The following AATF variants were observed in gnomAD, a reference collection of about 807,000 sequenced individuals.
The protein encoded by AATF is protein AATF.
In AATF, 48 loss-of-function variants were observed where a neutral mutation model predicts 63.7. The observed-to-expected ratio is 0.75, with a 90% CI of 0.60 to 0.96. AATF has a LOEUF of 0.96. Ranked by LOEUF, AATF falls within the 40% of genes least tolerant of loss-of-function variation. The pLI, the probability that AATF is intolerant of heterozygous loss-of-function variation, is 0.00. For synonymous variants in AATF, 258 were observed against 247.7 expected, an observed-to-expected ratio of 1.04 and a Z score of -0.39; for missense variants, 639 against 685.7, an observed-to-expected ratio of 0.93 and a Z score of 0.76.
intron 4 of AATF, among the ~76,000 whole-genome samples, chr17:36,977,638 A>G (rs76340380): frequency 0.12 from 17,785 of 152,218 alleles, 1,313 homozygotes; most frequent in Non-Finnish European, 0.16. Context: ...ATATATGCTT[A>G]TAAAATATTC....
At chr17:36,965,700 T>G (rs2070986044) in intron 4 of AATF, among the ~76,000 whole-genome samples, 1 of 152,120 alleles carries the variant, frequency 6.6e-6, no homozygotes, top group African/African-American at 2.4e-5. Context: ...TTATTTTTTC[T>G]TGTATTTTTA....
intron 8 of AATF, among the ~76,000 whole-genome samples, chr17:37,017,720 AGGTT>A (rs1433737840): frequency 6.6e-6 from 1 of 152,176 alleles, no homozygotes; most frequent in Non-Finnish European, 1.5e-5. Context: ...ACATCATGGG[AGGTT>A]TTCTAATTGC....
At chr17:37,041,995 T>A (rs2071644327) in intron 11 of AATF, among the ~76,000 whole-genome samples, 1 of 152,198 alleles carries the variant, frequency 6.6e-6, no homozygotes, top group South Asian at 2.1e-4. Flanking sequence ...CATTTGTAGT[T>A]GTTTTTATCC....
At chr17:37,045,549 G>A (rs922359539) in intron 11 of AATF, 2 of 152,282 alleles carry the variant, frequency 1.3e-5, no homozygotes, top group African/African-American at 4.8e-5. Context: ...CTGCAAAGAC[G>A]AGCAATTGTT....
At chr17:36,963,102 C>T (rs2070961763) in intron 4 of AATF, among the ~76,000 whole-genome samples, 1 of 152,088 alleles carries the variant, frequency 6.6e-6, no homozygotes, top group Non-Finnish European at 1.5e-5. Flanking sequence ...CTGACAAGAG[C>T]AAAACTCTGT....
chr17:36,969,815 T>C (rs1368676099), intron 4 of AATF, among the ~76,000 whole-genome samples: 10 of 152,224 alleles, frequency 6.6e-5, no homozygotes, highest in Admixed American at 6.5e-4. Flanking sequence ...CCTCCTGGCC[T>C]TCCCTATTTG....
At chr17:37,007,872 C>T (rs1472416895) in intron 8 of AATF, among the ~76,000 whole-genome samples, 2 of 152,030 alleles carry the variant, frequency 1.3e-5, no homozygotes, top group Non-Finnish European at 2.9e-5. Flanking sequence ...AAAAGAGAAT[C>T]GCAGATAGTT....
intron 9 of AATF, 47 bp from the exon 10 acceptor site, chr17:37,020,887 C>G: frequency 1.4e-6 from 2 of 1,444,928 alleles, no homozygotes; most frequent in Non-Finnish European, 9.6e-7. Context: ...ATATGTATAA[C>G]TATTTCTGTT....
chr17:36,977,331 G>C (rs1177406598), intron 4 of AATF, among the ~76,000 whole-genome samples: 2 of 152,176 alleles, frequency 1.3e-5, no homozygotes, highest in Non-Finnish European at 2.9e-5. Context: ...GAAGAATCCT[G>C]AGAGAGGAGT....
chr17:37,020,807 T>A, intron 9 of AATF, 127 bp from the exon 10 acceptor site: 2 of 693,674 alleles, frequency 2.9e-6, no homozygotes, highest in African/African-American at 1.9e-5. Context: ...GGCCCCAAAC[T>A]AGCTTGAGGA....
intron 4 of AATF, among the ~76,000 whole-genome samples, chr17:36,961,353 T>C (rs773867835): frequency 9.2e-5 from 14 of 152,232 alleles, no homozygotes; most frequent in Admixed American, 2.0e-4. Flanking sequence ...AAGCCACATG[T>C]AATTTAAAAT....
At chr17:37,042,470 AG>A (rs2071648886) in intron 11 of AATF, among the ~76,000 whole-genome samples, 1 of 151,606 alleles carries the variant, frequency 6.6e-6, no homozygotes, top group South Asian at 2.1e-4. Flanking sequence ...GCTGGAGTAC[AG>A]TAGCCCAATT....
At chr17:37,044,249 G>A (rs1039943613) in intron 11 of AATF, among the ~76,000 whole-genome samples, 2 of 152,044 alleles carry the variant, frequency 1.3e-5, no homozygotes, top group Admixed American at 6.6e-5. Context: ...ATTATGTATA[G>A]CATCTACCAC....
intron 2 of AATF, 21 bp downstream of exon 2, chr17:36,950,426 G>A (rs2070845717): frequency 3.7e-6 from 6 of 1,604,478 alleles, no homozygotes; most frequent in Non-Finnish European, 5.1e-6. Context: ...ATTTTTGAAT[G>A]GAACTCTTCT....
chr17:36,985,094 GT>G (rs1468608068), intron 4 of AATF, among the ~76,000 whole-genome samples: 8 of 152,128 alleles, frequency 5.3e-5, no homozygotes, highest in African/African-American at 1.7e-4. Context: ...TACAGACGGG[GT>G]TTCGCCATGT....
At chr17:36,993,583 C>G (rs1388981498) in intron 8 of AATF, among the ~76,000 whole-genome samples, 2 of 152,132 alleles carry the variant, frequency 1.3e-5, no homozygotes, top group Non-Finnish European at 2.9e-5. Flanking sequence ...AGTAGTAAGC[C>G]TGAGCTAAGT....
intron 4 of AATF, among the ~76,000 whole-genome samples, chr17:36,979,623 T>C (rs1207939226): frequency 6.6e-6 from 1 of 152,196 alleles, no homozygotes; most frequent in African/African-American, 2.4e-5. Context: ...TACTTGTACA[T>C]AAATAATTGT....
intron 6 of AATF, 148 bp from the exon 7 acceptor site, chr17:36,989,099 C>T: frequency 1.1e-6 from 1 of 882,210 alleles, no homozygotes; most frequent in Non-Finnish European, 1.7e-6. Context: ...CAATTATAGC[C>T]ACTCACAAAC....
In AATF at chr17:37,054,008, G is replaced by A. The variant is rs559091784; in HGVS notation, c.1620-2593G>A. 3.3e-5 allele frequency among the ~76,000 whole-genome samples: 5 copies of A among 152,294 alleles called. No homozygotes were observed. The East Asian group carries it at 9.6e-4, about 29-fold the overall frequency. On this transcript the variant is annotated intron_variant, in intron 11 of 11. Transcript: ENST00000619387. The stretch of plus-strand genomic sequence containing the variant: ...TTTTGTAACTATTTAAACTTACTGT[G>A]AAAAACGTTATAAAAATGTGCAACC...
Sources: allele counts gnomAD v4.1 joint callset (sites outside exome capture counted in the v4.1 genomes callset), GRCh38; gene constraint gnomAD v4.1.1; transcripts MANE v1.5; gene names NCBI Gene and HGNC (gene_info 2026-07-23, HGNC 2026-07-21).